The following TDRD7 variants were observed in gnomAD, a reference collection of about 807,000 sequenced individuals.
TDRD7 encodes tudor domain containing 7.
In TDRD7, 47 loss-of-function variants were observed where a neutral mutation model predicts 109.8. That is an observed-to-expected ratio of 0.43 (90% CI 0.34 to 0.55). The LOEUF is 0.55. Among genes scored for constraint, TDRD7 ranks in the 20% least tolerant of loss-of-function variants. TDRD7 has a pLI of 0.03. For missense variants in TDRD7, 1,164 were observed against 1,319.2 expected, an observed-to-expected ratio of 0.88 and a Z score of 1.82; for synonymous variants, 424 against 457.3, an observed-to-expected ratio of 0.93 and a Z score of 0.93.
intron 12 of TDRD7, among the ~76,000 whole-genome samples, chr9:97,476,669 G>A (rs980423289): frequency 6.6e-6 from 1 of 151,054 alleles, no homozygotes; most frequent in East Asian, 1.9e-4. Flanking sequence ...TAGATGCAAG[G>A]ACCTCAACTT....
At chr9:97,436,709 G>A (rs1456357606) in intron 4 of TDRD7, among the ~76,000 whole-genome samples, 1 of 152,016 alleles carries the variant, frequency 6.6e-6, no homozygotes, top group Non-Finnish European at 1.5e-5. Flanking sequence ...TTACATTTTA[G>A]TCTTTAATTC....
chr9:97,423,975 G>A (rs1207957016), intron 1 of TDRD7, among the ~76,000 whole-genome samples: 1 of 150,882 alleles, frequency 6.6e-6, no homozygotes, highest in Non-Finnish European at 1.5e-5. Context: ...TGTATATTCT[G>A]CTGTCTTTGG....
At chr9:97,475,105 A>G (rs946072105) in intron 11 of TDRD7, among the ~76,000 whole-genome samples, 3 of 152,204 alleles carry the variant, frequency 2.0e-5, no homozygotes, top group Admixed American at 6.5e-5. Context: ...CCAGTGCCTA[A>G]GTGAATCATA....
chr9:97,426,459 C>G (rs938395840), intron 1 of TDRD7, among the ~76,000 whole-genome samples: 2 of 152,042 alleles, frequency 1.3e-5, no homozygotes, highest in African/African-American at 4.8e-5. Context: ...GCCATGTTGC[C>G]CAGGCTGGTC....
intron 2 of TDRD7, among the ~76,000 whole-genome samples, chr9:97,429,084 A>G (rs755059959): frequency 2.0e-5 from 3 of 152,214 alleles, no homozygotes; most frequent in East Asian, 1.9e-4. Flanking sequence ...AATTCCTGCT[A>G]TCTGGACCTA....
intron 7 of TDRD7, among the ~76,000 whole-genome samples, chr9:97,462,581 G>A (rs1295487395): frequency 6.6e-6 from 1 of 152,156 alleles, no homozygotes; most frequent in Admixed American, 6.5e-5. Context: ...GGGTACTATG[G>A]CAGAACCCTC....
chr9:97,428,346 C>T, intron 1 of TDRD7, 114 bp from the exon 2 acceptor site: 1 of 1,051,106 alleles, frequency 9.5e-7, no homozygotes, highest in Non-Finnish European at 1.4e-6. Flanking sequence ...ATTGTAATTG[C>T]ACAGAAAGTA....
At chr9:97,414,794 T>C (rs1827785445) in intron 1 of TDRD7, among the ~76,000 whole-genome samples, 1 of 152,174 alleles carries the variant, frequency 6.6e-6, no homozygotes, top group Non-Finnish European at 1.5e-5. Flanking sequence ...GAAGGAGTAA[T>C]TGAAGTGGTA....
In TDRD7 at chr9:97,434,567, C is replaced by T. The variant is rs1041109463; in HGVS notation, c.563+2329C>T. ...TGATTTAGCCATTCCACAGTGTACA[C>T]GTATCAAAATATCACATCATATTGC... is the stretch of plus-strand genomic sequence containing the variant. On this transcript the variant is annotated intron_variant, in intron 4 of 16. Coordinates refer to ENST00000355295, the MANE Select transcript of TDRD7 (RefSeq NM_014290.3). Among the ~76,000 whole-genome samples, 4 of 152,030 alleles carry T rather than the reference C, an allele frequency of 2.6e-5. No homozygotes were observed. The South Asian group carries it at 6.2e-4, about 24-fold the overall frequency.
intron 6 of TDRD7, among the ~76,000 whole-genome samples, chr9:97,451,140 C>G (rs1828483356): frequency 6.6e-6 from 1 of 152,038 alleles, no homozygotes. Context: ...GGAAGAGCTT[C>G]CAGATAGCCA....
intron 1 of TDRD7, among the ~76,000 whole-genome samples, chr9:97,423,684 G>A (rs562473075): frequency 1.1e-3 from 162 of 151,872 alleles, no homozygotes; most frequent in African/African-American, 3.5e-3. Flanking sequence ...TACTTTTACC[G>A]CATCCAGCAA....
Position 97,464,213 on chromosome 9 carries a change from C to T in TDRD7, c.1443-629C>T, listed in dbSNP as rs567480862. ...CCTCTCTCCCCTTCCTGACTTTTCT[C>T]AGCCTTGTCCTTCCTGAGGACACTA... On this transcript the variant is annotated intron_variant, in intron 7 of 16. Coordinates refer to ENST00000355295, the MANE Select transcript of TDRD7 (RefSeq NM_014290.3). Among the ~76,000 whole-genome samples the T allele has an allele frequency of 3.3e-5, 5 of 152,334 alleles. No individual in the cohort carries two copies. The East Asian group carries it at 7.7e-4, about 24-fold the overall frequency.
intron 8 of TDRD7, among the ~76,000 whole-genome samples, chr9:97,469,793 T>G (rs1026330876): frequency 6.6e-6 from 1 of 152,184 alleles, no homozygotes; most frequent in African/African-American, 2.4e-5. Flanking sequence ...AAACTGAAGA[T>G]TCTATAAATA....
Position 97,472,280 on chromosome 9 carries a change from C to G in TDRD7, c.1742-13C>G, listed in dbSNP as rs760518527. 8 of 1,609,606 alleles carry G rather than the reference C, an allele frequency of 5.0e-6. No individual in the cohort carries two copies. The highest frequency in any genetic ancestry group is 6.8e-6 in the Non-Finnish European group (8 of 1,176,324). On this transcript the variant is annotated splice_polypyrimidine_tract_variant and intron_variant, in intron 9 of 16. Coordinates refer to ENST00000355295, the MANE Select transcript of TDRD7 (RefSeq NM_014290.3). ...CTAATTAAGTAGAAATTAAAAGATTCAATATTTTTCAGGCTTGGAAGTCCT... is the reference window on the plus strand; with the variant it reads ...CTAATTAAGTAGAAATTAAAAGATTGAATATTTTTCAGGCTTGGAAGTCCT...
At chr9:97,428,322 A>C (rs796807939) in intron 1 of TDRD7, 138 bp from the exon 2 acceptor site, 2 of 857,684 alleles carry the variant, frequency 2.3e-6, no homozygotes, top group East Asian at 2.7e-5. Context: ...CTACCGTGGC[A>C]GTTGTTTCCC....
rs760179989 is a variant in TDRD7, at chr9:97,495,666, T to C, written c.3080T>C (p.Val1027Ala). 2 of 1,613,872 alleles carry C rather than the reference T, an allele frequency of 1.2e-6. No individual in the cohort carries two copies. Among genetic ancestry groups the C allele is most frequent in the Non-Finnish European group, 1.7e-6 (2 of 1,179,860 alleles). The change falls in exon 17 of 17, where the codon GTG becomes GCG. Residue 1027 changes from valine to alanine, a missense_variant. Physicochemically the swap from Val to Ala is moderately conservative, Grantham distance 64 (BLOSUM62 0). Transcript: ENST00000355295. ...CTTCTTCCTCTCTTCCTCCTAGGAG[T>C]GAAGTGCAACCAGTGGTCTGAGGAG... ...FQAVTAQLAG[V>A]KCNQWSEEAS...
intron 10 of TDRD7, 136 bp from the exon 11 acceptor site, chr9:97,473,356 C>A: frequency 8.5e-7 from 1 of 1,179,306 alleles, no homozygotes; most frequent in Non-Finnish European, 1.2e-6. Context: ...AATTGCATTT[C>A]ATCTTACATA....
intron 7 of TDRD7, among the ~76,000 whole-genome samples, chr9:97,463,593 G>T (rs184572268): frequency 1.2e-3 from 181 of 152,248 alleles, no homozygotes; most frequent in Non-Finnish European, 1.8e-3. Flanking sequence ...TGATGCTGGT[G>T]CTGTTAGAGT....
chr9:97,454,096 C>G (rs888057369), intron 6 of TDRD7, among the ~76,000 whole-genome samples: 1 of 152,204 alleles, frequency 6.6e-6, no homozygotes, highest in African/African-American at 2.4e-5. Flanking sequence ...AATATACATT[C>G]TTCACAGCAC....
Sources: gnomAD v4.1 joint callset for allele counts (sites outside exome capture counted in the v4.1 genomes callset) on GRCh38, gnomAD v4.1.1 for gene constraint, MANE v1.5 for transcripts, NCBI Gene and HGNC (gene_info 2026-07-23, HGNC 2026-07-21) for gene names.